Variants in DMD observed in about 807,000 individuals in gnomAD.
The protein encoded by DMD is mutant dystrophin.
DMD carries 63 observed loss-of-function variants against 330.1 expected under a neutral mutation model. The observed-to-expected ratio is 0.19, with a 90% CI of 0.16 to 0.24. DMD has a LOEUF of 0.24. Among genes scored for constraint, DMD ranks in the 10% least tolerant of loss-of-function variants. The probability of loss-of-function intolerance (pLI) is 1.00; values close to 1 mark genes in which losing one functional copy is unlikely to be tolerated. For synonymous variants in DMD, 1,223 were observed against 959.8 expected, an observed-to-expected ratio of 1.27 and a Z score of -5.07; for missense variants, 3,344 against 2,684.1, an observed-to-expected ratio of 1.25 and a Z score of -5.43.
intron 44 of DMD, chrX:32,151,517 G>A (rs2096803463): frequency 9.0e-6 from 1 of 111,623 alleles, no homozygotes; most frequent in African/African-American, 3.3e-5. Flanking sequence ...GTCAGACCAT[G>A]AAACAAGACT....
chrX:32,247,743 G>A (rs1354332601), intron 43 of DMD, among the ~76,000 whole-genome samples: 1 of 111,220 alleles, frequency 9.0e-6, no homozygotes, highest in African/African-American at 3.3e-5. Flanking sequence ...ATGAACTGAG[G>A]ACTCGTCACT....
intron 55 of DMD, among the ~76,000 whole-genome samples, chrX:31,537,009 T>C (rs1233631849): frequency 9.0e-6 from 1 of 111,567 alleles, no homozygotes; most frequent in African/African-American, 3.3e-5. Context: ...TGTTTTACAC[T>C]TGCTCCCCCA....
intron 55 of DMD, among the ~76,000 whole-genome samples, chrX:31,619,332 G>A (rs1281521186): frequency 9.0e-6 from 1 of 111,200 alleles, no homozygotes; most frequent in Admixed American, 9.6e-5. Context: ...TTTCACTAAG[G>A]ATCAAATTAG....
chrX:31,814,688 G>A (rs1460875969), intron 50 of DMD, among the ~76,000 whole-genome samples: 1 of 110,769 alleles, frequency 9.0e-6, no homozygotes, highest in Non-Finnish European at 1.9e-5. Context: ...GAACATTAAT[G>A]TTCTCAGGCC....
chrX:32,454,301 T>A (rs1466984987), intron 26 of DMD, among the ~76,000 whole-genome samples: 1 of 111,278 alleles, frequency 9.0e-6, no homozygotes, highest in African/African-American at 3.2e-5. Flanking sequence ...TTGACTACAT[T>A]ATAAATTTGT....
intron 47 of DMD, among the ~76,000 whole-genome samples, chrX:31,889,965 C>T (rs1460933473): frequency 9.1e-6 from 1 of 109,821 alleles, no homozygotes; most frequent in African/African-American, 3.3e-5. Flanking sequence ...TCAAGGAAAA[C>T]TAAGTCATGA....
intron 51 of DMD, among the ~76,000 whole-genome samples, chrX:31,737,335 G>C (rs1179350964): frequency 1.8e-5 from 2 of 112,772 alleles, no homozygotes; most frequent in Non-Finnish European, 3.8e-5. Flanking sequence ...GAATACAAAA[G>C]GGGAAATTAA....
chrX:32,324,759 A>G (rs1227934627), intron 41 of DMD, among the ~76,000 whole-genome samples: 1 of 112,084 alleles, frequency 8.9e-6, no homozygotes, highest in Non-Finnish European at 1.9e-5. Flanking sequence ...AAATACAAAT[A>G]AAAAACAAGA....
chrX:31,387,549 ACCACTATG>A (rs1340093196), intron 60 of DMD, among the ~76,000 whole-genome samples: 10 of 111,105 alleles, frequency 9.0e-5, no homozygotes, highest in African/African-American at 2.9e-4. Context: ...ATGGGCATGC[ACCACTATG>A]CCTGGCTAAG....
At chrX:32,766,289 G>T (rs1052853977) in intron 7 of DMD, among the ~76,000 whole-genome samples, 1 of 110,915 alleles carries the variant, frequency 9.0e-6, no homozygotes, top group Non-Finnish European at 1.9e-5. Flanking sequence ...TGAGTAACTC[G>T]GATACCTCAA....
intron 36 of DMD, among the ~76,000 whole-genome samples, chrX:32,363,818 CTAAT>C (rs2097845358): frequency 9.0e-6 from 1 of 111,679 alleles, no homozygotes; most frequent in Non-Finnish European, 1.9e-5. Context: ...TAGTAAACAA[CTAAT>C]CAATAAATTT....
At chrX:31,214,777 T>C (rs1308790317) in intron 64 of DMD, among the ~76,000 whole-genome samples, 2 of 110,030 alleles carry the variant, frequency 1.8e-5, no homozygotes, top group African/African-American at 6.6e-5. Flanking sequence ...AATCAAAAAA[T>C]TGTTAAGTTG....
At chrX:31,194,226 G>A (rs1051835577) in intron 67 of DMD, among the ~76,000 whole-genome samples, 6 of 111,462 alleles carry the variant, frequency 5.4e-5, no homozygotes, top group Non-Finnish European at 7.5e-5. Context: ...AATGCTGGGA[G>A]ACTGTTCAAA....
chrX:32,943,251 T>G (rs1433886189), intron 2 of DMD, among the ~76,000 whole-genome samples: 1 of 111,649 alleles, frequency 9.0e-6, no homozygotes, highest in African/African-American at 3.2e-5. Context: ...GATTAAAAAT[T>G]GAAAACATTG....
chrX:32,612,604 G>T (rs1299062146), intron 12 of DMD, among the ~76,000 whole-genome samples: 4 of 111,192 alleles, frequency 3.6e-5, no homozygotes. Context: ...TGTAGGCCAA[G>T]GGAAAGAGGG....
chrX:31,690,438 A>T (rs1482612787), intron 52 of DMD, among the ~76,000 whole-genome samples: 3 of 112,137 alleles, frequency 2.7e-5, no homozygotes, highest in African/African-American at 9.7e-5. Flanking sequence ...CACACCAGTT[A>T]GAATGGCAAT....
intron 1 of DMD, among the ~76,000 whole-genome samples, chrX:33,242,157 T>A (rs1369698585): frequency 9.0e-6 from 1 of 111,713 alleles, no homozygotes; most frequent in Non-Finnish European, 1.9e-5. Context: ...TGGTATTTGA[T>A]TGCATGACTA....
intron 54 of DMD, among the ~76,000 whole-genome samples, chrX:31,653,127 C>T (rs2080558262): frequency 9.0e-6 from 1 of 111,125 alleles, no homozygotes; most frequent in Admixed American, 9.6e-5. Context: ...TTTCTCTTTT[C>T]TTGTTGCAAT....
intron 1 of DMD, among the ~76,000 whole-genome samples, chrX:33,219,092 T>C (rs1286606593): frequency 1.8e-5 from 2 of 111,822 alleles, no homozygotes; most frequent in Non-Finnish European, 3.8e-5. Flanking sequence ...TCAGTATAAG[T>C]GACTACTATC....
Sources: gnomAD v4.1 joint callset for allele counts (sites outside exome capture counted in the v4.1 genomes callset) on GRCh38, gnomAD v4.1.1 for gene constraint, MANE v1.5 for transcripts, NCBI Gene and HGNC (gene_info 2026-07-23, HGNC 2026-07-21) for gene names.